Variants in SKOR2 observed in about 807,000 individuals in gnomAD.
SKOR2 encodes the protein SKI family transcriptional corepressor 2, also known as LBX1 corepressor 1-like protein.
In SKOR2, 47 loss-of-function variants were observed where a neutral mutation model predicts 69.1. That is an observed-to-expected ratio of 0.68 (90% CI 0.54 to 0.87). SKOR2 has a LOEUF of 0.87. SKOR2 is among the 40% of genes least tolerant of loss of function. The pLI, the probability that SKOR2 is intolerant of heterozygous loss-of-function variation, is 0.00. For synonymous variants in SKOR2, 717 were observed against 672.6 expected (o/e 1.07, Z -1.02); for missense variants, 1,404 against 1,472.2 (o/e 0.95, Z 0.76).
intron 7 of SKOR2, among the ~76,000 whole-genome samples, chr18:47,213,571 C>T (rs573603575): frequency 1.3e-5 from 2 of 151,676 alleles, no homozygotes; most frequent in South Asian, 4.2e-4. Flanking sequence ...AATAATTAGT[C>T]AGCTGAATCA....
intron 7 of SKOR2, among the ~76,000 whole-genome samples, chr18:47,216,415 C>T (rs1447204125): frequency 1.3e-5 from 2 of 152,062 alleles, no homozygotes; most frequent in African/African-American, 4.8e-5. Flanking sequence ...GTAGCTTATA[C>T]CATGTATAAA....
At chr18:47,250,883 C>CTCA (rs2064309399) in intron 1 of SKOR2, among the ~76,000 whole-genome samples, 1 of 152,158 alleles carries the variant, frequency 6.6e-6, no homozygotes, top group Non-Finnish European at 1.5e-5. Flanking sequence ...CCCTTCGATG[C>CTCA]TCATTTCCCT....
intron 1 of SKOR2, among the ~76,000 whole-genome samples, chr18:47,250,192 C>T (rs1053658438): frequency 2.0e-5 from 3 of 152,162 alleles, no homozygotes; most frequent in African/African-American, 7.2e-5. Flanking sequence ...ATTTTGATAT[C>T]TCTATATCTT....
intron 8 of SKOR2, among the ~76,000 whole-genome samples, chr18:47,211,194 A>G (rs922275907): frequency 2.6e-5 from 4 of 152,192 alleles, no homozygotes; most frequent in African/African-American, 9.6e-5. Flanking sequence ...AGTTGAAAAT[A>G]TGTTCCAGAG....
intron 6 of SKOR2, among the ~76,000 whole-genome samples, chr18:47,220,876 C>A (rs531685516): frequency 6.6e-6 from 1 of 152,188 alleles, no homozygotes; most frequent in East Asian, 1.9e-4. Context: ...TCATCATTAT[C>A]TTTTCTTCTC....
intron 7 of SKOR2, among the ~76,000 whole-genome samples, chr18:47,219,129 C>A (rs1360256001): frequency 6.6e-6 from 1 of 152,188 alleles, no homozygotes; most frequent in Non-Finnish European, 1.5e-5. Flanking sequence ...ACAGAAATGT[C>A]AAGAAACCCA....
At position 47,243,579 on chromosome 18, in the gene SKOR2, G is replaced by T. The variant is rs553948408; in HGVS notation, c.2752+1329C>A. On this transcript the variant is annotated intron_variant, in intron 4 of 8. Coordinates refer to ENST00000425639, the MANE Select transcript of SKOR2 (RefSeq NM_001278063.4). The stretch of plus-strand genomic sequence containing the variant: ...CTTGGTAGCAATGCTTTCCATTTCA[G>T]GCCTCAATTTTGTGAAATATCATAC... Among the ~76,000 whole-genome samples, 5 of 152,238 alleles carry T rather than the reference G, an allele frequency of 3.3e-5. No homozygotes were observed. In the East Asian group the frequency reaches 9.6e-4, roughly 29 times the overall value.
chr18:47,251,455 T>A lies in SKOR2; in HGVS notation c.-129A>T, dbSNP rs997185358. On this transcript the variant is annotated 5_prime_UTR_variant, in exon 1 of 9. Coordinates refer to ENST00000425639, the MANE Select transcript of SKOR2 (RefSeq NM_001278063.4). ...CTCGGAGGCGAAGCATCCAAGCGGG[T>A]CCTCGTATCCAGCGGGCGGGACTCT... The A allele has an allele frequency of 6.6e-6, 1 of 152,262 alleles. No individual in the cohort carries two copies. Among genetic ancestry groups the A allele is most frequent in the African/African-American group, 2.4e-5 (1 of 41,430 alleles). The allele number at this position is 152,262 out of a possible 1,614,324, so 9.4% of individuals were successfully genotyped here.
rs1440088449 is a variant in SKOR2 at position 47,248,598 on chromosome 18, C to T, written c.586G>A (p.Ala196Thr). The part of the protein sequence containing the change: ...FIFHSHRTPD[A>T]KYTQPDAANF... ...GCTGCGTCTGGCTGAGTGTACTTGG[C>T]GTCGGGCGTGCGGTGGGAGTGGAAA... Residue 196 changes from alanine (A) to threonine (T), a missense_variant, in exon 2 of 9, where the codon GCC (alanine) becomes ACC (threonine). Coordinates refer to ENST00000425639, the MANE Select transcript of SKOR2 (RefSeq NM_001278063.4). This position sits in a 1 kb window ranked among gnomAD's most constrained non-coding sequence, Gnocchi z 6.4. The T allele has an allele frequency of 7.8e-6, 12 of 1,541,570 alleles. No homozygotes were observed. Among genetic ancestry groups the T allele is most frequent in the Non-Finnish European group, 1.0e-5 (12 of 1,148,926 alleles).
Position 47,249,010 on chromosome 18 carries a change from C to A in SKOR2, c.174G>T (p.Gly58=). The A allele has an allele frequency of 6.5e-7, 1 of 1,548,072 alleles. No individual in the cohort carries two copies. The highest frequency in any genetic ancestry group is 1.2e-5 in the South Asian group (1 of 84,772). The change falls in exon 2 of 9, where the codon GGG becomes GGT. Residue 58 remains glycine (G), a synonymous_variant. Coordinates refer to ENST00000425639, the MANE Select transcript of SKOR2 (RefSeq NM_001278063.4). ...TCTGCGCCAGGCACAGGCGCTCTTG[C>A]CCGTCGATCACCAACGACACGATGG... The part of the protein sequence containing the change: ...GIPIVSLVID[G]QERLCLAQIS...
At chr18:47,214,599 T>G (rs754237334) in intron 7 of SKOR2, among the ~76,000 whole-genome samples, 9 of 152,214 alleles carry the variant, frequency 5.9e-5, no homozygotes, top group Non-Finnish European at 1.0e-4. Flanking sequence ...GAAACAACAT[T>G]ATTTCACTGA....
At chr18:47,218,251 A>C (rs1265262799) in intron 7 of SKOR2, among the ~76,000 whole-genome samples, 1 of 152,026 alleles carries the variant, frequency 6.6e-6, no homozygotes, top group African/African-American at 2.4e-5. Flanking sequence ...CTGAAATCAC[A>C]ATTTTTTTGT....
At position 47,227,470 on chromosome 18, in the gene SKOR2, T is replaced by C. The variant is rs533143789; in HGVS notation, c.2917+2989A>G. ...CTCCTGCTTCAGCCTCCTGAGTAGC[T>C]GGGATTCATACCACCACACCAGCTA... On this transcript the variant is annotated intron_variant, in intron 6 of 8. Transcript: ENST00000425639. 3.3e-5 allele frequency among the ~76,000 whole-genome samples: 5 copies of C among 151,510 alleles called. No homozygotes were observed. In the South Asian group the frequency reaches 1.0e-3, roughly 32 times the overall value.
intron 2 of SKOR2, among the ~76,000 whole-genome samples, chr18:47,246,079 A>G (rs559780456): frequency 6.6e-6 from 1 of 152,268 alleles, no homozygotes; most frequent in East Asian, 1.9e-4. Flanking sequence ...TCTGGCTAAA[A>G]CTGATTAAAG....
chr18:47,245,661 T>G (rs746108025), intron 2 of SKOR2, 100 bp from the exon 3 acceptor site: 72 of 1,125,300 alleles, frequency 6.4e-5, no homozygotes, highest in Non-Finnish European at 8.8e-5. Flanking sequence ...AGTGACTCCA[T>G]GGAGCCTCAG....
In SKOR2 at chr18:47,247,742, A is replaced by C; in HGVS notation, c.1442T>G (p.Val481Gly). ...AGGCGGGGGCTGCAGGTAGGTGGGC[A>C]CCGGGAGCCCGCCAGGGGTCCGCGG... is the stretch of plus-strand genomic sequence containing the variant. ...WPPRTPGGLP[V>G]PTYLQPPPQP... The change falls in exon 2 of 9, where the codon GTG becomes GGG. Residue 481 changes from valine (V) to glycine (G), a missense_variant. Around this residue, in one of 3 missense-constraint regions of SKOR2, gnomAD observed 1,266 missense variants for 1,309.9 expected, o/e 0.97. Transcript: ENST00000425639. This position sits in a 1 kb window ranked among gnomAD's most constrained non-coding sequence, Gnocchi z 6.6. The C allele has an allele frequency of 1.5e-6, 2 of 1,368,548 alleles. No individual in the cohort carries two copies. Among genetic ancestry groups the C allele is most frequent in the African/African-American group, 1.5e-5 (1 of 64,804 alleles). 84.8% of individuals were successfully genotyped at this position (1,368,548 alleles called of 1,614,324 possible).
chr18:47,236,927 T>C (rs1165463147), intron 4 of SKOR2, among the ~76,000 whole-genome samples: 1 of 152,222 alleles, frequency 6.6e-6, no homozygotes, highest in East Asian at 1.9e-4. Flanking sequence ...CCTGATGTTC[T>C]AGTGTTTTAC....
chr18:47,246,000 T>TGA (rs60367052), intron 2 of SKOR2, among the ~76,000 whole-genome samples: 56,383 of 151,780 alleles, frequency 0.37, 11,046 homozygotes, highest in Middle Eastern at 0.47. Context: ...CAGTTGGTAC[T>TGA]TTTCCGAGAA....
intron 6 of SKOR2, among the ~76,000 whole-genome samples, chr18:47,229,316 A>C (rs2064188993): frequency 6.6e-6 from 1 of 152,208 alleles, no homozygotes. Context: ...CATTCTAAAA[A>C]AGTGCCCTGG....
Sources: allele counts gnomAD v4.1 joint callset (sites outside exome capture counted in the v4.1 genomes callset), GRCh38; gene constraint gnomAD v4.1.1; regional missense constraint gnomAD v4.1.1; non-coding constraint Gnocchi (gnomAD v3.1); transcripts MANE v1.5; gene names NCBI Gene and HGNC (gene_info 2026-07-23, HGNC 2026-07-21).